Variants in ERBIN observed in about 807,000 individuals in gnomAD.
The protein encoded by ERBIN is erbb2 interacting protein.
ERBIN carries 60 observed loss-of-function variants against 158.4 expected under a neutral mutation model. That is an observed-to-expected ratio of 0.38 (90% CI 0.31 to 0.47). The LOEUF is 0.47. ERBIN is among the 20% of genes least tolerant of loss of function. The pLI, the probability that ERBIN is intolerant of heterozygous loss-of-function variation, is 0.99. For missense variants in ERBIN, 1,610 were observed against 1,648.0 expected (o/e 0.98, Z 0.40); for synonymous variants, 594 against 557.2 (o/e 1.07, Z -0.93).
intron 22 of ERBIN, among the ~76,000 whole-genome samples, chr5:66,072,761 T>C (rs374148637): frequency 6.6e-6 from 1 of 152,226 alleles, no homozygotes; most frequent in Non-Finnish European, 1.5e-5. Flanking sequence ...TTAGTACTTT[T>C]GTTGCAATTA....
At chr5:65,960,074 A>G (rs1747743944) in intron 1 of ERBIN, among the ~76,000 whole-genome samples, 1 of 152,274 alleles carries the variant, frequency 6.6e-6, no homozygotes, top group African/African-American at 2.4e-5. Flanking sequence ...CCACAAATTA[A>G]AACAGCTCTG....
In ERBIN at chr5:65,994,958, A is replaced by C. The variant is rs1580287247; in HGVS notation, c.307+94A>C. The C allele has an allele frequency of 4.0e-6, 3 of 755,592 alleles. No individual in the cohort carries two copies. In the African/African-American group the frequency reaches 5.5e-5, roughly 14 times the overall value. 46.8% of individuals were successfully genotyped at this position (755,592 alleles called of 1,614,324 possible). A position where few individuals can be genotyped will look rare whatever the true frequency, so the allele number is the denominator to read the frequency against. On this transcript the variant is annotated intron_variant, in intron 4 of 25. Transcript: ENST00000284037. ...TTTTCAAAAATAAAAATATAAAAAT[A>C]AGTTAAATCTAATGTATTAATATGA...
At chr5:65,957,879 A>G (rs1279838382) in intron 1 of ERBIN, among the ~76,000 whole-genome samples, 1 of 148,694 alleles carries the variant, frequency 6.7e-6, no homozygotes, top group Non-Finnish European at 1.5e-5. Flanking sequence ...TGCCGGGCGG[A>G]GGCACTCCTC....
At chr5:66,047,852 CTA>C (rs1554064509) in intron 18 of ERBIN, among the ~76,000 whole-genome samples, 4 of 151,856 alleles carry the variant, frequency 2.6e-5, no homozygotes, top group Non-Finnish European at 5.9e-5. Context: ...AGTGTAATTT[CTA>C]TGTGTAAGGC....
At chr5:66,078,036 G>A (rs887311324) in intron 25 of ERBIN, among the ~76,000 whole-genome samples, 3 of 152,140 alleles carry the variant, frequency 2.0e-5, no homozygotes, top group South Asian at 2.1e-4. Flanking sequence ...TAAATATTAA[G>A]CTTAATTGTA....
At chr5:66,036,603 C>T (rs1757421965) in intron 14 of ERBIN, among the ~76,000 whole-genome samples, 1 of 152,150 alleles carries the variant, frequency 6.6e-6, no homozygotes, top group Admixed American at 6.6e-5. Context: ...CTTGGAATTA[C>T]AGTAGCAGTT....
intron 6 of ERBIN, 97 bp from the exon 7 acceptor site, chr5:66,014,572 C>T: frequency 1.7e-6 from 1 of 581,058 alleles, no homozygotes; most frequent in Non-Finnish European, 3.0e-6. Flanking sequence ...AGTAATTACA[C>T]AATTACATTG....
intron 22 of ERBIN, among the ~76,000 whole-genome samples, chr5:66,074,165 T>C (rs559908827): frequency 1.3e-5 from 2 of 151,262 alleles, no homozygotes; most frequent in South Asian, 4.2e-4. Context: ...GCTGGGATTA[T>C]AGGCATGAGC....
rs1308466497 is a variant in ERBIN, at chr5:65,926,649, C to A, written c.-215C>A. 6.6e-6 allele frequency: 1 copy of A among 152,142 alleles called. No individual in the cohort carries two copies. Among genetic ancestry groups the A allele is most frequent in the South Asian group, 2.1e-4 (1 of 4,800 alleles). The allele number at this position is 152,142 out of a possible 1,614,324, so 9.4% of individuals were successfully genotyped here. A position where few individuals can be genotyped will look rare whatever the true frequency, so the allele number is the denominator to read the frequency against. On this transcript the variant is annotated 5_prime_UTR_variant, in exon 1 of 26. Transcript: ENST00000284037. ...GGAAGCCAGCCCGCACCCCAACCCCCACCAAAGCCACCTACTCTTCTTCTG... is the reference window on the plus strand; with the variant it reads ...GGAAGCCAGCCCGCACCCCAACCCCAACCAAAGCCACCTACTCTTCTTCTG...
chr5:65,993,044 C>T, intron 3 of ERBIN, 137 bp downstream of exon 3: 1 of 521,304 alleles, frequency 1.9e-6, no homozygotes, highest in Non-Finnish European at 3.1e-6. Flanking sequence ...GTAGAGTATG[C>T]CGTACAATTC....
rs1011072528 is a variant in ERBIN, at chr5:66,081,504, A to G, written c.*2974A>G. On this transcript the variant is annotated 3_prime_UTR_variant, in exon 26 of 26. Coordinates refer to ENST00000284037, the MANE Select transcript of ERBIN (RefSeq NM_001253697.2). ...ATTTATTCATTCCAAATTTTTGTATATATCTAGATGAAGTAACACATAGAG... is the reference window on the plus strand; with the variant it reads ...ATTTATTCATTCCAAATTTTTGTATGTATCTAGATGAAGTAACACATAGAG... 6.6e-6 allele frequency: 1 copy of G among 152,168 alleles called. No homozygotes were observed. The highest frequency in any genetic ancestry group is 1.5e-5 in the Non-Finnish European group (1 of 67,976). The allele number at this position is 152,168 out of a possible 1,614,324, so 9.4% of individuals were successfully genotyped here. A position where few individuals can be genotyped will look rare whatever the true frequency, so the allele number is the denominator to read the frequency against.
chr5:66,004,271 A>G (rs1377345341), intron 4 of ERBIN, among the ~76,000 whole-genome samples: 2 of 152,150 alleles, frequency 1.3e-5, no homozygotes, highest in African/African-American at 4.8e-5. Flanking sequence ...CTAAAGAAGT[A>G]TACGTCAAAG....
chr5:65,998,680 T>C (rs1477401587), intron 4 of ERBIN, among the ~76,000 whole-genome samples: 1 of 151,956 alleles, frequency 6.6e-6, no homozygotes, highest in East Asian at 1.9e-4. Context: ...AAGGATCCCT[T>C]GAGCTCAGGA....
chr5:65,944,957 A>G (rs1452952565), intron 1 of ERBIN, among the ~76,000 whole-genome samples: 9 of 152,182 alleles, frequency 5.9e-5, no homozygotes, highest in Admixed American at 5.9e-4. Flanking sequence ...TTTTTAAGAA[A>G]TCAAAAAGCA....
rs977554636 is a variant in ERBIN, at chr5:66,024,169, A to T, written c.673-137A>T. ...ACTGAATACATTTCTAATGGCATTTAAAAAACTACCTGGGAGTCTTCTTTC... is the reference window on the plus strand; with the variant it reads ...ACTGAATACATTTCTAATGGCATTTTAAAAACTACCTGGGAGTCTTCTTTC... On this transcript the variant is annotated intron_variant, in intron 9 of 25. Coordinates refer to ENST00000284037, the MANE Select transcript of ERBIN (RefSeq NM_001253697.2). 27 of 585,708 alleles carry T rather than the reference A, an allele frequency of 4.6e-5. No individual in the cohort carries two copies. In the Admixed American group the frequency reaches 6.4e-4, roughly 14 times the overall value. The allele number at this position is 585,708 out of a possible 1,614,324, so 36.3% of individuals were successfully genotyped here. A position where few individuals can be genotyped will look rare whatever the true frequency, so the allele number is the denominator to read the frequency against.
At chr5:66,021,533 C>G (rs1755687800) in intron 8 of ERBIN, 148 bp downstream of exon 8, 1 of 531,134 alleles carries the variant, frequency 1.9e-6, no homozygotes, top group African/African-American at 2.0e-5. Flanking sequence ...CCAGAACTTT[C>G]CAGACAGATA....
At chr5:65,928,907 ATTC>A (rs1743013591) in intron 1 of ERBIN, among the ~76,000 whole-genome samples, 1 of 152,210 alleles carries the variant, frequency 6.6e-6, no homozygotes, top group Non-Finnish European at 1.5e-5. Flanking sequence ...AAATTTGGAT[ATTC>A]TTCTAGTATG....
At chr5:65,948,871 C>T (rs555111512) in intron 1 of ERBIN, among the ~76,000 whole-genome samples, 1 of 147,482 alleles carries the variant, frequency 6.8e-6, no homozygotes, top group Non-Finnish European at 1.5e-5. Context: ...TCAGGCGATT[C>T]TCTTGCCTCG....
Position 66,043,169 on chromosome 5 carries a change from G to T in ERBIN, c.1399G>T (p.Asp467Tyr), listed in dbSNP as rs1561415361. 1 of 1,613,462 alleles carries T rather than the reference G, an allele frequency of 6.2e-7. No individual in the cohort carries two copies. The highest frequency in any genetic ancestry group is 1.7e-5 in the Admixed American group (1 of 59,982). Residue 467 changes from aspartate (D) to tyrosine (Y), a missense_variant, in exon 16 of 26, where the codon GAC becomes TAC. By Grantham distance (160) the Asp-to-Tyr change is radical (BLOSUM62 -3). Coordinates refer to ENST00000284037, the MANE Select transcript of ERBIN (RefSeq NM_001253697.2). ...TCAAGTTGCATTTGAATGTGATGAA[G>T]ACAAAGATGAAAGGGAGGCACCTCC... ...RAQVAFECDEDKDEREAPPRE... is the reference protein window; with the variant it reads ...RAQVAFECDEYKDEREAPPRE...
Sources: allele counts gnomAD v4.1 joint callset (sites outside exome capture counted in the v4.1 genomes callset), GRCh38; gene constraint gnomAD v4.1.1; transcripts MANE v1.5; gene names NCBI Gene and HGNC (gene_info 2026-07-23, HGNC 2026-07-21).